OSBPL10: variants seen among roughly 807,000 people sequenced by gnomAD.
The protein encoded by OSBPL10 is oxysterol-binding protein-related protein 10.
Under a neutral mutation model 81.7 loss-of-function variants are expected in OSBPL10, and 49 were observed. The ratio of observed to expected loss-of-function variants is 0.60; its 90% CI spans 0.48 to 0.76. The LOEUF is 0.76. Ranked by LOEUF, OSBPL10 falls within the 30% of genes least tolerant of loss-of-function variation. The pLI, the probability that OSBPL10 is intolerant of heterozygous loss-of-function variation, is 0.00. For synonymous variants in OSBPL10, 419 were observed against 383.6 expected, an observed-to-expected ratio of 1.09 and a Z score of -1.08; for missense variants, 923 against 987.8, an observed-to-expected ratio of 0.93 and a Z score of 0.88.
intron 4 of OSBPL10, among the ~76,000 whole-genome samples, chr3:31,809,041 T>A (rs1699596622): frequency 6.7e-6 from 1 of 150,284 alleles, no homozygotes; most frequent in Admixed American, 6.6e-5. Flanking sequence ...TCAGCAAAAG[T>A]AAGACTAAGC....
At position 31,664,222 on chromosome 3, in the gene OSBPL10, G is replaced by T. The variant is rs768675416; in HGVS notation, c.2107C>A (p.Arg703=). 8 of 1,612,066 alleles carry T rather than the reference G, an allele frequency of 5.0e-6. No individual in the cohort carries two copies. In the African/African-American group the frequency reaches 8.0e-5, roughly 16 times the overall value. ...AGCCGCAGGTATCGGGTCACCTCCC[G>T]CCAGAGGTTCCTGGGGATGCGTGGA... The part of the protein sequence containing the change: ...QGPMESRNLW[R]EVTRYLRLGD... The change falls in exon 11 of 12, where the codon CGG becomes AGG. Residue 703 remains arginine, a synonymous_variant. Transcript: ENST00000396556.
chr3:31,839,106 TA>T (rs770139031), intron 3 of OSBPL10, among the ~76,000 whole-genome samples: 9 of 152,184 alleles, frequency 5.9e-5, no homozygotes, highest in Non-Finnish European at 8.8e-5. Context: ...TAAAGAGCAA[TA>T]AATCCCCCCA....
At chr3:32,074,979 C>T (rs970206033) in intron 1 of OSBPL10, among the ~76,000 whole-genome samples, 1 of 149,590 alleles carries the variant, frequency 6.7e-6, no homozygotes, top group African/African-American at 2.5e-5. Context: ...TGGGAATGAA[C>T]AACTGCGGGT....
rs562724505 is a variant in OSBPL10 at position 31,789,506 on chromosome 3, C to G, written c.729+40534G>C. Among the ~76,000 whole-genome samples the G allele has an allele frequency of 4.6e-5, 7 of 152,314 alleles. No homozygotes were observed. The South Asian group carries it at 1.5e-3, about 32-fold the overall frequency. On this transcript the variant is annotated intron_variant, in intron 4 of 11. Coordinates refer to ENST00000396556, the MANE Select transcript of OSBPL10 (RefSeq NM_017784.5). The stretch of plus-strand genomic sequence containing the variant: ...CCTATAGGGTACAGGGCAGAGCAAA[C>G]AAGTCCCTGAAGGTCCAGGAAAGGA...
intron 8 of OSBPL10, among the ~76,000 whole-genome samples, chr3:31,672,446 G>C (rs555194922): frequency 1.4e-4 from 20 of 147,398 alleles, no homozygotes; most frequent in Non-Finnish European, 2.5e-4. Flanking sequence ...AGGAAGGGGG[G>C]TGGGAGTGCG....
chr3:31,867,870 G>C (rs942741995), intron 3 of OSBPL10, among the ~76,000 whole-genome samples: 2 of 152,096 alleles, frequency 1.3e-5, no homozygotes, highest in Non-Finnish European at 2.9e-5. Flanking sequence ...AAACACAAGA[G>C]AGATCCCAGA....
At chr3:31,911,436 T>C (rs1159388468) in intron 1 of OSBPL10, among the ~76,000 whole-genome samples, 1 of 151,984 alleles carries the variant, frequency 6.6e-6, no homozygotes, top group Non-Finnish European at 1.5e-5. Flanking sequence ...TTCTCAGAAA[T>C]CTCCAGATAC....
At chr3:31,744,481 T>C (rs1697457812) in intron 5 of OSBPL10, among the ~76,000 whole-genome samples, 1 of 142,146 alleles carries the variant, frequency 7.0e-6, no homozygotes. Context: ...GAGGTTGCAG[T>C]GAGCCGAGAT....
At chr3:31,961,362 G>A (rs765463390) in intron 1 of OSBPL10, among the ~76,000 whole-genome samples, 5 of 152,174 alleles carry the variant, frequency 3.3e-5, no homozygotes, top group Admixed American at 6.5e-5. Flanking sequence ...CCCAGGGCTC[G>A]GAAAGCTAGC....
intron 4 of OSBPL10, among the ~76,000 whole-genome samples, chr3:31,812,951 G>A (rs1699747376): frequency 1.3e-5 from 2 of 152,116 alleles, no homozygotes; most frequent in South Asian, 4.1e-4. Flanking sequence ...ATATAGAACA[G>A]AAGTTTTTGT....
intron 9 of OSBPL10, among the ~76,000 whole-genome samples, chr3:31,669,122 G>T (rs576365899): frequency 6.2e-4 from 95 of 152,052 alleles, no homozygotes; most frequent in African/African-American, 2.2e-3. Context: ...TGAAAATCAG[G>T]CAATTCAAGA....
Position 31,664,104 on chromosome 3 carries a change from C to G in OSBPL10, c.2225G>C (p.Trp742Ser), listed in dbSNP as rs760563999. ...CTCCTGGATAAAATATTTGGGCTTC[C>G]ATGGTGTGCGGAGGTTCTCGCGCTT... ...ERKRENLRTPWKPKYFIQEGD... is the reference protein window; with the variant it reads ...ERKRENLRTPSKPKYFIQEGD... The change falls in exon 11 of 12, where the codon TGG becomes TCG. Residue 742 changes from tryptophan (W) to serine (S), a missense_variant. This residue lies in a region of OSBPL10 where 387 missense variants were observed against 436.3 expected (regional missense o/e 0.89). Transcript: ENST00000396556. 116 of 1,613,962 alleles carry G rather than the reference C, an allele frequency of 7.2e-5. No individual in the cohort carries two copies. Among genetic ancestry groups the G allele is most frequent in the Non-Finnish European group, 9.4e-5 (111 of 1,180,026 alleles).
chr3:31,682,620 A>C (rs189888194), intron 8 of OSBPL10, among the ~76,000 whole-genome samples: 1 of 152,200 alleles, frequency 6.6e-6, no homozygotes, highest in Non-Finnish European at 1.5e-5. Flanking sequence ...TGAAAGCTCA[A>C]CTGCCCTCTC....
At chr3:32,021,999 A>T (rs1165120745) in intron 2 of OSBPL10, among the ~76,000 whole-genome samples, 1 of 151,868 alleles carries the variant, frequency 6.6e-6, no homozygotes, top group African/African-American at 2.4e-5. Flanking sequence ...AAAGTAAAAC[A>T]AAATATGTAT....
At chr3:31,812,782 G>GAA (rs1302523009) in intron 4 of OSBPL10, among the ~76,000 whole-genome samples, 2 of 40,806 alleles carry the variant, frequency 4.9e-5, no homozygotes, top group East Asian at 1.9e-3. Context: ...AAGAAAGAAA[G>GAA]AAAGAAAGAA....
At chr3:32,076,898 C>G (rs1488150669) in intron 1 of OSBPL10, among the ~76,000 whole-genome samples, 1 of 151,976 alleles carries the variant, frequency 6.6e-6, no homozygotes, top group Non-Finnish European at 1.5e-5. Context: ...GCAAGCTGAT[C>G]CATCAAGTGC....
intron 4 of OSBPL10, among the ~76,000 whole-genome samples, chr3:31,808,406 G>A (rs1209528406): frequency 6.6e-6 from 1 of 152,244 alleles, no homozygotes; most frequent in Admixed American, 6.5e-5. Flanking sequence ...CTTGGCAACA[G>A]TATCTCTATC....
At chr3:31,851,335 G>A (rs1013806636) in intron 3 of OSBPL10, among the ~76,000 whole-genome samples, 1 of 152,210 alleles carries the variant, frequency 6.6e-6, no homozygotes, top group Non-Finnish European at 1.5e-5. Context: ...GAGAGCTGAA[G>A]AGTAAATGCT....
rs144554243 is a variant in OSBPL10, at chr3:31,674,714, G to A, written c.1727-3731C>T. ...GGGGTTCCCCTTCCTCTTCCACCAC[G>A]AGTGGATGTAGCCTGAGGCCCTCGT... On this transcript the variant is annotated intron_variant, in intron 8 of 11. Transcript: ENST00000396556. Among the ~76,000 whole-genome samples the A allele has an allele frequency of 3.9e-4, 60 of 152,264 alleles. 1 individual carries two copies. Among genetic ancestry groups the A allele is most frequent in the Middle Eastern group, 6.8e-3 (2 of 294 alleles).
Sources: gnomAD v4.1 joint callset for allele counts (sites outside exome capture counted in the v4.1 genomes callset) on GRCh38, gnomAD v4.1.1 for gene constraint, gnomAD v4.1.1 regional missense constraint, MANE v1.5 for transcripts, NCBI Gene and HGNC (gene_info 2026-07-23, HGNC 2026-07-21) for gene names.